Variants in MAX observed in about 807,000 individuals in gnomAD.
MAX encodes the protein MYC associated transcriptional regulator X, also known as protein max.
In MAX, 3 loss-of-function variants were observed where a neutral mutation model predicts 22.3. The observed-to-expected ratio is 0.13, with a 90% confidence interval of 0.06 to 0.35. The LOEUF is 0.35. Among genes scored for constraint, MAX ranks in the 10% least tolerant of loss-of-function variants. The pLI is 1.00. For missense variants in MAX, 119 were observed against 209.4 expected, an observed-to-expected ratio of 0.57 and a Z score of 2.66; for synonymous variants, 72 against 77.7, an observed-to-expected ratio of 0.93 and a Z score of 0.39.
At chr14:65,056,971 GCAAA>G (rs1356174846) in intron 3 of MAX, among the ~76,000 whole-genome samples, 1 of 152,220 alleles carries the variant, frequency 6.6e-6, no homozygotes, top group Non-Finnish European at 1.5e-5. Flanking sequence ...GCCAACCCAT[GCAAA>G]CAGAGGAGAG....
chr14:65,062,937 A>G lies in MAX; in HGVS notation c.171+30771T>C, dbSNP rs1172095563. On this transcript the variant is annotated intron_variant, in intron 3 of 3. Transcript: ENST00000341653. The surrounding 1 kb of genome is among the most constrained non-coding windows in gnomAD (Gnocchi z 4.3). Reference sequence around the variant, plus strand: ...GCACTTCATGGTCTGTCTCCGACAGACAGCAAGGACTGGGCCTAGTAGCCC... The same window carrying G: ...GCACTTCATGGTCTGTCTCCGACAGGCAGCAAGGACTGGGCCTAGTAGCCC... Among the ~76,000 whole-genome samples the G allele has an allele frequency of 6.6e-6, 1 of 152,216 alleles. No homozygotes were observed. The highest frequency in any genetic ancestry group is 1.5e-5 in the Non-Finnish European group (1 of 68,020).
intron 3 of MAX, among the ~76,000 whole-genome samples, chr14:65,024,716 T>C (rs1481955949): frequency 6.6e-6 from 1 of 152,234 alleles, no homozygotes; most frequent in East Asian, 1.9e-4. Context: ...TTTTTGCTTG[T>C]AATTTTTTAT....
At chr14:65,099,542 AC>A (rs200768661) in intron 2 of MAX, among the ~76,000 whole-genome samples, 51 of 140,670 alleles carry the variant, frequency 3.6e-4, no homozygotes, top group Middle Eastern at 3.5e-3. Context: ...AAAAAAACAA[AC>A]AAACAAACAA....
chr14:65,027,656 G>A lies in MAX; in HGVS notation c.172-21372C>T, dbSNP rs370162681. On this transcript the variant is annotated intron_variant, in intron 3 of 3. Coordinates refer to the MAX transcript ENST00000341653. This position sits in a 1 kb window ranked among gnomAD's most constrained non-coding sequence, Gnocchi z 5.7. ...AGAGGAGTTCCCCGCCTGCTGACAC[G>A]CACTGACTGTTGCCTCTCCTACCTC... 42 of 1,613,956 alleles carry A rather than the reference G, an allele frequency of 2.6e-5. No individual in the cohort carries two copies. The highest frequency in any genetic ancestry group is 6.7e-5 in the East Asian group (3 of 44,896).
chr14:65,080,365 G>C (rs77208393), intron 3 of MAX, among the ~76,000 whole-genome samples: 1 of 152,268 alleles, frequency 6.6e-6, no homozygotes, highest in East Asian at 1.9e-4. Context: ...TTCTACAAAG[G>C]GACCTTATTA....
rs2061763886 is a variant in MAX, at chr14:65,015,856, G to A, written c.172-9572C>T. 11 of 895,876 alleles carry A rather than the reference G, an allele frequency of 1.2e-5. No individual in the cohort carries two copies. The Admixed American group carries it at 2.6e-4, about 21-fold the overall frequency. The allele number at this position is 895,876 out of a possible 1,614,324, so 55.5% of individuals were successfully genotyped here. The stretch of plus-strand genomic sequence containing the variant: ...AATCTTTGCTCTTCTCATGACCTCC[G>A]GCAACTTCCTGAAACTCCTCCACTT... On this transcript the variant is annotated intron_variant, in intron 3 of 3. Coordinates refer to the MAX transcript ENST00000341653.
intron 3 of MAX, among the ~76,000 whole-genome samples, chr14:65,066,034 G>A (rs1215041390): frequency 6.6e-6 from 1 of 152,232 alleles, no homozygotes; most frequent in African/African-American, 2.4e-5. Context: ...CTGAAGGAAG[G>A]TGAGAGGTCT....
chr14:65,046,549 G>C (rs1267398448), intron 3 of MAX, among the ~76,000 whole-genome samples: 1 of 152,160 alleles, frequency 6.6e-6, no homozygotes, highest in Non-Finnish European at 1.5e-5. Context: ...TATGGAAAAG[G>C]GTGCCTATGA....
At chr14:65,037,684 C>G (rs910529574) in intron 3 of MAX, among the ~76,000 whole-genome samples, 102 of 149,636 alleles carry the variant, frequency 6.8e-4, no homozygotes, top group African/African-American at 2.4e-3. Flanking sequence ...TGCGGCTTCC[C>G]CAAGTGCTGG....
Position 65,032,455 on chromosome 14 carries a change from A to G in MAX, c.172-26171T>C, listed in dbSNP as rs1196563955. On this transcript the variant is annotated intron_variant, in intron 3 of 3. Coordinates refer to the MAX transcript ENST00000341653. This position sits in a 1 kb window ranked among gnomAD's most constrained non-coding sequence, Gnocchi z 5.0. The stretch of plus-strand genomic sequence containing the variant: ...ATCCAAATAGAATGTCACACCTCTC[A>G]GTTGGAGACCCAGGAGGACTGACCG... The G allele has an allele frequency of 3.2e-6, 2 of 618,678 alleles. No homozygotes were observed. The highest frequency in any genetic ancestry group is 2.6e-6 in the Non-Finnish European group (1 of 381,642). The allele number at this position is 618,678 out of a possible 1,614,324, so 38.3% of individuals were successfully genotyped here. A position where few individuals can be genotyped will look rare whatever the true frequency, so the allele number is the denominator to read the frequency against.
rs116005319 is a variant in MAX at position 65,083,076 on chromosome 14, C to T, written c.172-5040G>A. On this transcript the variant is annotated intron_variant, in intron 3 of 4. Coordinates refer to ENST00000358664, the MANE Select transcript of MAX (RefSeq NM_002382.5). ...AATGTAGAAGGGACCCAGGGTGTGGCAGAGGGTCTGCCAGGTTCCTGTCCC... is the reference window on the plus strand; with the variant it reads ...AATGTAGAAGGGACCCAGGGTGTGGTAGAGGGTCTGCCAGGTTCCTGTCCC... Among the ~76,000 whole-genome samples the T allele has an allele frequency of 2.0e-3, 302 of 152,302 alleles. 3 individuals are homozygous for T. Among genetic ancestry groups the T allele is most frequent in the African/African-American group, 7.0e-3 (290 of 41,556 alleles).
downstream of MAX, among the ~76,000 whole-genome samples, chr14:65,071,039 A>C (rs976717171): frequency 2.6e-5 from 4 of 152,126 alleles, no homozygotes. The surrounding 1 kb of genome is among the most constrained non-coding windows in gnomAD (Gnocchi z 4.2). Flanking sequence ...AAACATGCAA[A>C]TTTTTACTGC....
chr14:65,055,699 T>G (rs1171076513), intron 3 of MAX, among the ~76,000 whole-genome samples: 1 of 152,034 alleles, frequency 6.6e-6, no homozygotes, highest in African/African-American at 2.4e-5. Context: ...GTATTTTTAG[T>G]AGAGACAGGG....
In MAX at chr14:65,013,896, T is replaced by G. The variant is rs180949880; in HGVS notation, c.172-7612A>C. Among the ~76,000 whole-genome samples the G allele has an allele frequency of 5.6e-3, 853 of 152,342 alleles. 4 individuals carry two copies. The highest frequency in any genetic ancestry group is 9.4e-3 in the Non-Finnish European group (638 of 68,030). ...AACTACATGAGGTAGATCAATCTCT[T>G]GTTTTTTGCAGATAATGAAATGGGC... On this transcript the variant is annotated intron_variant, in intron 3 of 3. Transcript: ENST00000341653.
chr14:65,020,437 C>CT (rs1195336782), intron 3 of MAX, among the ~76,000 whole-genome samples: 19 of 143,376 alleles, frequency 1.3e-4, no homozygotes, highest in Admixed American at 2.0e-4. Flanking sequence ...CAGCTTGCCT[C>CT]TTTTTTTTTT....
At chr14:65,013,338 C>A (rs77561203) in intron 3 of MAX, among the ~76,000 whole-genome samples, 3 of 124,842 alleles carry the variant, frequency 2.4e-5, no homozygotes, top group Admixed American at 7.9e-5. Context: ...TTTTTTTTTT[C>A]TTCCTCCAAA....
intron 3 of MAX, among the ~76,000 whole-genome samples, chr14:65,059,849 T>A (rs1039609648): frequency 6.6e-6 from 1 of 150,670 alleles, no homozygotes; most frequent in Non-Finnish European, 1.5e-5. Flanking sequence ...TTTTTTTTTT[T>A]TTTTGAGACA....
intron 3 of MAX, among the ~76,000 whole-genome samples, chr14:65,066,868 A>G (rs1345607467): frequency 2.0e-5 from 3 of 150,866 alleles, no homozygotes; most frequent in Non-Finnish European, 4.4e-5. Flanking sequence ...ATCTCAAAAA[A>G]AAAAAAAAAA....
At chr14:65,035,393 C>G (rs1198587827) in intron 3 of MAX, among the ~76,000 whole-genome samples, 7 of 152,170 alleles carry the variant, frequency 4.6e-5, no homozygotes, top group Admixed American at 1.3e-4. Context: ...GTATTTTGTT[C>G]AGTGTACAGC....
Sources: gnomAD v4.1 joint callset for allele counts (sites outside exome capture counted in the v4.1 genomes callset) on GRCh38, gnomAD v4.1.1 for gene constraint, Gnocchi (gnomAD v3.1) non-coding constraint, MANE v1.5 for transcripts, NCBI Gene and HGNC (gene_info 2026-07-23, HGNC 2026-07-21) for gene names.